IKZF1: variants seen among roughly 807,000 people sequenced by gnomAD.
The protein encoded by IKZF1 is IKAROS family zinc finger 1, also known as DNA-binding protein Ikaros.
IKZF1 carries 10 observed loss-of-function variants against 51.7 expected under a neutral mutation model. That is an observed-to-expected ratio of 0.19 (90% confidence interval 0.12 to 0.33). The LOEUF is 0.33. Among genes scored for constraint, IKZF1 ranks in the 10% least tolerant of loss-of-function variants. The pLI is 1.00. For synonymous variants in IKZF1, 280 were observed against 282.3 expected (o/e 0.99, Z 0.08); for missense variants, 484 against 707.5 (o/e 0.68, Z 3.58).
chr7:50,398,094 A>C (rs1375449163), intron 7 of IKZF1, among the ~76,000 whole-genome samples: 1 of 152,230 alleles, frequency 6.6e-6, no homozygotes, highest in Non-Finnish European at 1.5e-5. Flanking sequence ...TCTGTTAGTA[A>C]GAACCAGCTG....
Position 50,368,592 on chromosome 7 carries a change from C to G in IKZF1, c.161-7941C>G, listed in dbSNP as rs1325590469. On this transcript the variant is annotated intron_variant, in intron 3 of 7. Coordinates refer to ENST00000331340, the MANE Select transcript of IKZF1 (RefSeq NM_006060.6). ...TCGCTGCTGGAGCCAACGTACTGTT[C>G]CTGCTTGGTGCCCGCAGGACCTTCT... 23 of 483,898 alleles carry G rather than the reference C, an allele frequency of 4.8e-5. No homozygotes were observed. In the East Asian group the frequency reaches 5.9e-4, roughly 12 times the overall value. The allele number at this position is 483,898 out of a possible 1,614,324, so 30.0% of individuals were successfully genotyped here.
chr7:50,353,726 C>T (rs1802484935), intron 3 of IKZF1, among the ~76,000 whole-genome samples: 2 of 152,166 alleles, frequency 1.3e-5, no homozygotes, highest in African/African-American at 4.8e-5. Context: ...CTCTTTTCAG[C>T]GAATCTCTAG....
intron 5 of IKZF1, among the ~76,000 whole-genome samples, chr7:50,385,047 G>A (rs149892447): frequency 6.6e-5 from 10 of 152,278 alleles, no homozygotes; most frequent in African/African-American, 2.4e-4. Flanking sequence ...GAGGCATGAT[G>A]GTTTCCTATT....
chr7:50,397,514 A>G (rs1186214089), intron 7 of IKZF1, among the ~76,000 whole-genome samples: 1 of 152,196 alleles, frequency 6.6e-6, no homozygotes, highest in Non-Finnish European at 1.5e-5. Context: ...GAGAGACAGG[A>G]TGATTAGGTG....
In IKZF1 at chr7:50,402,413, C is replaced by G. The variant is rs1818287807; in HGVS notation, c.*1786C>G. ...ATTAGCAGTATCCCTGGTGGCTACC[C>G]AATAGACGCCAGTAGCACCCCGAAT... On this transcript the variant is annotated 3_prime_UTR_variant, in exon 8 of 8. Coordinates refer to ENST00000331340, the MANE Select transcript of IKZF1 (RefSeq NM_006060.6). The G allele has an allele frequency of 4.3e-6, 1 of 230,744 alleles. No homozygotes were observed. The allele number at this position is 230,744 out of a possible 1,614,324, so 14.3% of individuals were successfully genotyped here.
intron 3 of IKZF1, among the ~76,000 whole-genome samples, chr7:50,336,686 GTTGGCTGCATTGTCCAC>G (rs1403289916): frequency 1.1e-4 from 17 of 152,220 alleles, no homozygotes; most frequent in Admixed American, 1.1e-3. Flanking sequence ...GGTTCCATCC[GTTGGCTGCATTGTCCAC>G]TTCGGTGACT....
chr7:50,326,965 C>G (rs1795185992), intron 2 of IKZF1, among the ~76,000 whole-genome samples: 1 of 152,162 alleles, frequency 6.6e-6, no homozygotes, highest in African/African-American at 2.4e-5. Context: ...GTGGTATCCT[C>G]AAACACAAAT....
chr7:50,368,334 C>A (rs186792975), intron 3 of IKZF1: 13 of 702,914 alleles, frequency 1.8e-5, no homozygotes, highest in African/African-American at 7.0e-5. Flanking sequence ...TGTTACTTCG[C>A]AGATGCTGCT....
At chr7:50,304,322 C>A, upstream of IKZF1, 1 of 149,474 alleles carries the variant, frequency 6.7e-6, no homozygotes, top group South Asian at 2.1e-4. Flanking sequence ...GCGCCCCGCT[C>A]CCTGTACCGG....
chr7:50,329,551 A>T (rs949662680), intron 3 of IKZF1, among the ~76,000 whole-genome samples: 2 of 152,268 alleles, frequency 1.3e-5, no homozygotes, highest in African/African-American at 2.4e-5. Context: ...CAGTTTAAAT[A>T]AAAACATCAA....
At chr7:50,336,785 T>C (rs1797892921) in intron 3 of IKZF1, among the ~76,000 whole-genome samples, 1 of 152,178 alleles carries the variant, frequency 6.6e-6, no homozygotes, top group Admixed American at 6.5e-5. Context: ...GACCAAGGGA[T>C]GGTGTCTAGC....
chr7:50,331,302 A>G (rs1796392132), intron 3 of IKZF1, among the ~76,000 whole-genome samples: 1 of 152,100 alleles, frequency 6.6e-6, no homozygotes, highest in Non-Finnish European at 1.5e-5. Context: ...AAACAGCCAA[A>G]AGAGAAAGGA....
In IKZF1 at chr7:50,341,684, A is replaced by G. The variant is rs1463918959; in HGVS notation, c.160+13927A>G. On this transcript the variant is annotated intron_variant, in intron 3 of 7. Transcript: ENST00000331340. ...CTGGTCCATTTTTAGTAGTCACATT[A>G]AAAAAGAAAAATGACACAGGTGAAA... Among the ~76,000 whole-genome samples the G allele has an allele frequency of 2.0e-5, 3 of 152,362 alleles. No homozygotes were observed. In the East Asian group the frequency reaches 5.8e-4, roughly 29 times the overall value.
At chr7:50,370,992 C>G (rs1808496073) in intron 3 of IKZF1, among the ~76,000 whole-genome samples, 1 of 152,152 alleles carries the variant, frequency 6.6e-6, no homozygotes, top group Non-Finnish European at 1.5e-5. Context: ...CACGGCCAGG[C>G]AACTCGGGCC....
chr7:50,348,284 A>T (rs887294770), intron 3 of IKZF1, among the ~76,000 whole-genome samples: 8 of 152,240 alleles, frequency 5.3e-5, no homozygotes, highest in African/African-American at 1.9e-4. Context: ...GACATGACAT[A>T]TCTGGCTCTT....
rs2153522449 is a variant in IKZF1, at chr7:50,403,586, T to C, written c.*2959T>C. On this transcript the variant is annotated 3_prime_UTR_variant, in exon 8 of 8. Transcript: ENST00000331340. ...TCCTTGCCCCATATCCCTTCTGTAA[T>C]TTGTACCTAAAGAGTGTGATTATCC... The C allele has an allele frequency of 4.4e-6, 1 of 229,242 alleles. No homozygotes were observed. Among genetic ancestry groups the C allele is most frequent in the Admixed American group, 5.7e-5 (1 of 17,672 alleles). 14.2% of individuals were successfully genotyped at this position (229,242 alleles called of 1,614,324 possible).
intron 7 of IKZF1, among the ~76,000 whole-genome samples, chr7:50,398,424 C>G (rs896845573): frequency 6.6e-6 from 1 of 152,196 alleles, no homozygotes; most frequent in African/African-American, 2.4e-5. Flanking sequence ...CACCTCCCAG[C>G]CCCTTCTCCC....
chr7:50,391,908 G>A (rs759323461), intron 7 of IKZF1, 45 bp downstream of exon 7: 2 of 1,575,198 alleles, frequency 1.3e-6, no homozygotes, highest in Non-Finnish European at 1.7e-6. Context: ...AACTATGTGG[G>A]TGTTTTAGAT....
At chr7:50,308,929 G>C (rs1432984025) in intron 1 of IKZF1, 1 of 152,464 alleles carries the variant, frequency 6.6e-6, no homozygotes, top group Non-Finnish European at 1.5e-5. Flanking sequence ...CGGTTTCTTT[G>C]TGTGCTTGCA....
Sources: gnomAD v4.1 joint callset for allele counts (sites outside exome capture counted in the v4.1 genomes callset) on GRCh38, gnomAD v4.1.1 for gene constraint, MANE v1.5 for transcripts, NCBI Gene and HGNC (gene_info 2026-07-23, HGNC 2026-07-21) for gene names.